The following CDH4 variants were observed in gnomAD, a reference collection of about 807,000 sequenced individuals.
The protein encoded by CDH4 is cadherin-4.
In CDH4, 33 loss-of-function variants were observed where a neutral mutation model predicts 86.0. That is an observed-to-expected ratio of 0.38 (90% CI 0.29 to 0.51). CDH4 has a LOEUF of 0.51. Among genes scored for constraint, CDH4 ranks in the 20% least tolerant of loss-of-function variants. The pLI is 0.86. For missense variants in CDH4, 1,114 were observed against 1,307.4 expected, an observed-to-expected ratio of 0.85 and a Z score of 2.28; for synonymous variants, 555 against 549.4, an observed-to-expected ratio of 1.01 and a Z score of -0.14.
chr20:61,827,030 A>G (rs1276179453), intron 4 of CDH4, among the ~76,000 whole-genome samples: 1 of 151,948 alleles, frequency 6.6e-6, no homozygotes, highest in African/African-American at 2.4e-5. Context: ...CTTATTGTAA[A>G]AAAAGATACA....
intron 2 of CDH4, among the ~76,000 whole-genome samples, chr20:61,651,410 C>T (rs6061697): frequency 2.0e-4 from 31 of 152,224 alleles, no homozygotes; most frequent in African/African-American, 6.5e-4. Flanking sequence ...AGGGGCCTCC[C>T]GGGAGCACCC....
Position 61,794,631 on chromosome 20 carries a change from A to G in CDH4, c.576+21449A>G, listed in dbSNP as rs1351499186. Among the ~76,000 whole-genome samples the G allele has an allele frequency of 2.0e-5, 3 of 152,240 alleles. No individual in the cohort carries two copies. In the East Asian group the frequency reaches 5.8e-4, roughly 29 times the overall value. ...CAGGCAGACATGGGTGGGCACCCAC[A>G]GCTTCTGCTACAATAGCACATCCTT... On this transcript the variant is annotated intron_variant, in intron 4 of 15. Coordinates refer to ENST00000614565, the MANE Select transcript of CDH4 (RefSeq NM_001794.5).
chr20:61,282,547 A>ATG (rs71185912), intron 2 of CDH4, among the ~76,000 whole-genome samples: 10,464 of 130,172 alleles, frequency 0.08, 441 homozygotes, highest in Non-Finnish European at 0.11. Context: ...GTGTGTGTGC[A>ATG]TGTGTGTGTG....
At chr20:61,508,140 GTCAA>G (rs2085754759) in intron 2 of CDH4, among the ~76,000 whole-genome samples, 1 of 152,180 alleles carries the variant, frequency 6.6e-6, no homozygotes, top group Non-Finnish European at 1.5e-5. Flanking sequence ...AATGTGTTTG[GTCAA>G]TCAGTCAGTG....
At chr20:61,341,142 G>A (rs973166895) in intron 2 of CDH4, among the ~76,000 whole-genome samples, 3 of 152,194 alleles carry the variant, frequency 2.0e-5, no homozygotes, top group African/African-American at 7.2e-5. Flanking sequence ...TAAAGTGCAA[G>A]CATGAGATAA....
chr20:61,570,211 G>C (rs1469096507), intron 2 of CDH4: 1 of 164,772 alleles, frequency 6.1e-6, no homozygotes, highest in Non-Finnish European at 1.3e-5. Context: ...ACTTTAATGA[G>C]CTGGGCTACC....
chr20:61,616,558 G>T (rs1295046751), intron 2 of CDH4, among the ~76,000 whole-genome samples: 1 of 152,232 alleles, frequency 6.6e-6, no homozygotes, highest in Non-Finnish European at 1.5e-5. Flanking sequence ...CTGCTCCAGG[G>T]AGGGTCAGAG....
chr20:61,724,123 T>C (rs112479581), intron 2 of CDH4, among the ~76,000 whole-genome samples: 93 of 110,184 alleles, frequency 8.4e-4, no homozygotes, highest in Non-Finnish European at 8.6e-4. Flanking sequence ...GGAGGCTCCA[T>C]GTGGCAGGGG....
Position 61,565,193 on chromosome 20 carries a change from T to TCGGTGGTAGGTGGTGG in CDH4, c.170-178370_170-178369insCGGTGGTAGGTGGTGG, listed in dbSNP as rs1568688306. Reference sequence around the variant, plus strand: ...TGGGGTGGTGGTGGTGGTGGTCCTCTTGGTGGTGGTCGCGGTGCTCTCGGT... The same window carrying TCGGTGGTAGGTGGTGG: ...TGGGGTGGTGGTGGTGGTGGTCCTCTCGGTGGTAGGTGGTGGTGGTGGTGGTCGCGGTGCTCTCGGT... On this transcript the variant is annotated intron_variant, in intron 2 of 15. Coordinates refer to ENST00000614565, the MANE Select transcript of CDH4 (RefSeq NM_001794.5). Among the ~76,000 whole-genome samples the TCGGTGGTAGGTGGTGG allele has an allele frequency of 3.6e-3, 302 of 83,510 alleles. 24 individuals are homozygous for TCGGTGGTAGGTGGTGG. Among genetic ancestry groups the TCGGTGGTAGGTGGTGG allele is most frequent in the African/African-American group, 7.9e-3 (163 of 20,760 alleles). The allele number at this position is 83,510 out of a possible 152,430, so 54.8% of individuals were successfully genotyped here.
At position 61,929,898 on chromosome 20, in the gene CDH4, T is replaced by C. The variant is rs2055087757; in HGVS notation, c.2239+56T>C. On this transcript the variant is annotated intron_variant, in intron 13 of 15. Coordinates refer to ENST00000614565, the MANE Select transcript of CDH4 (RefSeq NM_001794.5). ...GGGCATTGTGGGTATGAGTGCCCTG[T>C]CCCAGGCATGGTGGGCAGAGGGGGG... 4 of 1,406,062 alleles carry C rather than the reference T, an allele frequency of 2.8e-6. No individual in the cohort carries two copies. In the South Asian group the frequency reaches 4.6e-5, roughly 16 times the overall value. The allele number at this position is 1,406,062 out of a possible 1,614,324, so 87.1% of individuals were successfully genotyped here.
intron 8 of CDH4, among the ~76,000 whole-genome samples, chr20:61,903,807 G>C (rs2054755844): frequency 6.6e-6 from 1 of 152,064 alleles, no homozygotes; most frequent in Non-Finnish European, 1.5e-5. Flanking sequence ...TTCGTTACCT[G>C]CAAAATGGGA....
chr20:61,522,161 G>T (rs909624509), intron 2 of CDH4, among the ~76,000 whole-genome samples: 2 of 152,154 alleles, frequency 1.3e-5, no homozygotes, highest in Non-Finnish European at 2.9e-5. Flanking sequence ...AGCTCCCTGC[G>T]TGTCCACCTC....
At chr20:61,693,894 T>C (rs1279156185) in intron 2 of CDH4, among the ~76,000 whole-genome samples, 1 of 140,990 alleles carries the variant, frequency 7.1e-6, no homozygotes, top group Non-Finnish European at 1.5e-5. Flanking sequence ...CTTTTTTTTT[T>C]TTTTTTTTTT....
intron 2 of CDH4, among the ~76,000 whole-genome samples, chr20:61,492,606 G>A (rs1241587178): frequency 6.6e-6 from 1 of 152,184 alleles, no homozygotes; most frequent in Non-Finnish European, 1.5e-5. Context: ...GACTCAGATA[G>A]ATGGTGGCAT....
chr20:61,260,095 A>C (rs534691893), intron 2 of CDH4, among the ~76,000 whole-genome samples: 99 of 152,332 alleles, frequency 6.5e-4, no homozygotes, highest in African/African-American at 2.3e-3. Flanking sequence ...TGTCACATGC[A>C]GCCTCGTGCA....
intron 2 of CDH4, among the ~76,000 whole-genome samples, chr20:61,420,824 C>T (rs1331426608): frequency 1.3e-5 from 2 of 152,040 alleles, no homozygotes; most frequent in Non-Finnish European, 1.5e-5. Flanking sequence ...GCATGTCCCA[C>T]GGGGGATGAT....
chr20:61,350,450 A>G (rs4812311), intron 2 of CDH4, among the ~76,000 whole-genome samples: 238 of 590 alleles, frequency 0.4, 67 homozygotes, highest in East Asian at 0.58. Flanking sequence ...AGGCCAGCGG[A>G]ACACCTCTGA....
chr20:61,904,590 C>T (rs2054768157), intron 8 of CDH4, among the ~76,000 whole-genome samples: 1 of 152,186 alleles, frequency 6.6e-6, no homozygotes, highest in Non-Finnish European at 1.5e-5. Context: ...GGGCACCGAC[C>T]CTGTACCAGG....
intron 4 of CDH4, among the ~76,000 whole-genome samples, chr20:61,812,450 G>A (rs948499815): frequency 7.2e-5 from 11 of 152,116 alleles, no homozygotes; most frequent in East Asian, 3.9e-4. Context: ...GAAGGGGTTC[G>A]CTGCCCAGGG....
Sources: gnomAD v4.1 joint callset for allele counts (sites outside exome capture counted in the v4.1 genomes callset) on GRCh38, gnomAD v4.1.1 for gene constraint, MANE v1.5 for transcripts, NCBI Gene and HGNC (gene_info 2026-07-23, HGNC 2026-07-21) for gene names.